The following ACTR3C variants were observed in gnomAD, a reference collection of about 807,000 sequenced individuals.
ACTR3C encodes actin-related protein 3C.
A neutral mutation model predicts 26.3 loss-of-function variants in ACTR3C; 18 were observed. The ratio of observed to expected loss-of-function variants is 0.68; its 90% CI spans 0.47 to 1.01. ACTR3C has a LOEUF of 1.01. ACTR3C is among the 50% of genes least tolerant of loss of function. The pLI is 0.00. For missense variants in ACTR3C, 184 were observed against 250.7 expected (o/e 0.73, Z 1.80); for synonymous variants, 55 against 94.5 (o/e 0.58, Z 2.42).
chr7:150,237,747 T>G, the ACTR3C span, among the ~76,000 whole-genome samples: 1 of 151,840 alleles, frequency 6.6e-6, no homozygotes, highest in Non-Finnish European at 1.5e-5. Flanking sequence ...CTGGCAGGTG[T>G]GGGACCTTGC....
the ACTR3C span, among the ~76,000 whole-genome samples, chr7:149,901,758 A>G: frequency 6.6e-6 from 1 of 151,966 alleles, no homozygotes; most frequent in Non-Finnish European, 1.5e-5. Flanking sequence ...TATTAAAATT[A>G]CAAAAATCAG....
intron 1 of ACTR3C, among the ~76,000 whole-genome samples, chr7:150,299,981 A>G (rs1795297152): frequency 6.6e-6 from 1 of 152,026 alleles, no homozygotes; most frequent in African/African-American, 2.4e-5. Flanking sequence ...TTTACAATTT[A>G]AACCAAAAAA....
the ACTR3C span, among the ~76,000 whole-genome samples, chr7:150,114,065 A>G: frequency 7.0e-4 from 107 of 152,332 alleles, no homozygotes; most frequent in African/African-American, 2.5e-3. Context: ...TTTCTTGCTG[A>G]AATTTAAATT....
chr7:149,937,506 A>C, the ACTR3C span, among the ~76,000 whole-genome samples: 2 of 152,198 alleles, frequency 1.3e-5, no homozygotes, highest in Non-Finnish European at 2.9e-5. Context: ...CCACCAAAAT[A>C]ACACTAAATG....
At chr7:150,032,936 A>G in the ACTR3C span, among the ~76,000 whole-genome samples, 1 of 152,172 alleles carries the variant, frequency 6.6e-6, no homozygotes, top group Admixed American at 6.5e-5. Flanking sequence ...GATTCCGGGC[A>G]CTTGACGCTG....
the ACTR3C span, among the ~76,000 whole-genome samples, chr7:150,168,635 TA>T: frequency 6.6e-6 from 1 of 150,850 alleles, no homozygotes; most frequent in African/African-American, 2.5e-5. Context: ...TTATCTTCAA[TA>T]AAACCAGTCC....
the ACTR3C span, among the ~76,000 whole-genome samples, chr7:150,215,673 G>A: frequency 1.3e-5 from 2 of 151,890 alleles, no homozygotes; most frequent in South Asian, 4.2e-4. Context: ...TCACAAATAG[G>A]AAGCAGAGAC....
At chr7:150,072,356 G>T in the ACTR3C span, among the ~76,000 whole-genome samples, 1 of 125,888 alleles carries the variant, frequency 7.9e-6, no homozygotes, top group East Asian at 2.4e-4. Context: ...TGTGGCCTTG[G>T]CCAGACAAGG....
the ACTR3C span, among the ~76,000 whole-genome samples, chr7:150,232,653 A>G: frequency 6.8e-6 from 1 of 146,432 alleles, no homozygotes; most frequent in Non-Finnish European, 1.5e-5. Context: ...GTGAAACCCC[A>G]TCTCTATAAA....
rs1279580197 is a variant in ACTR3C at position 150,247,223 on chromosome 7, AC to A, written c.*384del. The A allele has an allele frequency of 3.3e-5, 5 of 152,146 alleles. No homozygotes were observed. Among genetic ancestry groups the A allele is most frequent in the Non-Finnish European group, 5.9e-5 (4 of 68,032 alleles). The allele number at this position is 152,146 out of a possible 1,614,324, so 9.4% of individuals were successfully genotyped here. A position where few individuals can be genotyped will look rare whatever the true frequency, so the allele number is the denominator to read the frequency against. ...AAACAAACAAACAGTGACCTCAATAACCATTTATTTCTGGCACAGCTTTCCC... is the reference window on the plus strand; with the variant it reads ...AAACAAACAAACAGTGACCTCAATAACATTTATTTCTGGCACAGCTTTCCC... On this transcript the variant is annotated 3_prime_UTR_variant, in exon 8 of 8. Transcript: ENST00000683684.
chr7:149,898,958 C>A, the ACTR3C span, among the ~76,000 whole-genome samples: 1 of 151,906 alleles, frequency 6.6e-6, no homozygotes, highest in African/African-American at 2.4e-5. Context: ...ATCTCTAGTA[C>A]AGCACAACAT....
the ACTR3C span, among the ~76,000 whole-genome samples, chr7:149,886,313 G>A: frequency 6.6e-6 from 1 of 152,180 alleles, no homozygotes; most frequent in African/African-American, 2.4e-5. Flanking sequence ...GCCTGCTTAT[G>A]TATCTGCATT....
the ACTR3C span, among the ~76,000 whole-genome samples, chr7:150,035,148 T>TG: frequency 8.9e-3 from 1,021 of 115,064 alleles, 55 homozygotes; most frequent in East Asian, 0.036. Flanking sequence ...GGATCAACGA[T>TG]GGGGGTCCTA....
chr7:149,927,962 A>G, the ACTR3C span, among the ~76,000 whole-genome samples: 1 of 152,046 alleles, frequency 6.6e-6, no homozygotes, highest in Non-Finnish European at 1.5e-5. Flanking sequence ...TTAAGATATC[A>G]TTTATTCTAG....
chr7:150,195,446 T>G, the ACTR3C span, among the ~76,000 whole-genome samples: 1 of 152,342 alleles, frequency 6.6e-6, no homozygotes, highest in African/African-American at 2.4e-5. Flanking sequence ...TAAAATTTCT[T>G]GCTATGTAGG....
the ACTR3C span, among the ~76,000 whole-genome samples, chr7:149,913,804 A>G: frequency 2.5e-4 from 38 of 150,106 alleles, no homozygotes; most frequent in African/African-American, 8.8e-4. Context: ...ACCTTCTTCC[A>G]CCCACCACAT....
the ACTR3C span, among the ~76,000 whole-genome samples, chr7:150,058,742 T>C: frequency 5.3e-5 from 8 of 152,096 alleles, no homozygotes; most frequent in South Asian, 2.1e-4. Flanking sequence ...TGGTGAAACC[T>C]CGGCTCTACT....
the ACTR3C span, among the ~76,000 whole-genome samples, chr7:149,940,344 T>C: frequency 6.6e-6 from 1 of 152,040 alleles, no homozygotes; most frequent in Admixed American, 6.5e-5. Flanking sequence ...GAAGATTATG[T>C]AGCCTGCTGC....
the ACTR3C span, among the ~76,000 whole-genome samples, chr7:150,026,593 C>G: frequency 2.0e-5 from 3 of 151,956 alleles, no homozygotes; most frequent in African/African-American, 7.3e-5. Flanking sequence ...TTCAATTAAC[C>G]AAATGATGTG....
Sources: allele counts gnomAD v4.1 joint callset (sites outside exome capture counted in the v4.1 genomes callset), GRCh38; gene constraint gnomAD v4.1.1; transcripts MANE v1.5; gene names NCBI Gene and HGNC (gene_info 2026-07-23, HGNC 2026-07-21).